The following TMEM65 variants were observed in gnomAD, a reference collection of about 807,000 sequenced individuals.
TMEM65 encodes transmembrane protein 65.
TMEM65 carries 22 observed loss-of-function variants against 25.4 expected under a neutral mutation model. The ratio of observed to expected loss-of-function variants is 0.86; its 90% CI spans 0.62 to 1.23. TMEM65 has a LOEUF of 1.23. Among genes scored for constraint, TMEM65 ranks in the 50% most tolerant of loss-of-function variants. The pLI, the probability that TMEM65 is intolerant of heterozygous loss-of-function variation, is 0.00. For missense variants in TMEM65, 262 were observed against 308.2 expected, an observed-to-expected ratio of 0.85 and a Z score of 1.12; for synonymous variants, 132 against 126.2, an observed-to-expected ratio of 1.05 and a Z score of -0.31.
intron 1 of TMEM65, among the ~76,000 whole-genome samples, chr8:124,354,601 G>A (rs1232303757): frequency 1.3e-5 from 2 of 152,206 alleles, no homozygotes; most frequent in Non-Finnish European, 2.9e-5. Flanking sequence ...TGTTTTCACA[G>A]AAGCAGAGGC....
At chr8:124,319,476 C>T (rs1214101438) in intron 6 of TMEM65, among the ~76,000 whole-genome samples, 1 of 152,132 alleles carries the variant, frequency 6.6e-6, no homozygotes, top group Non-Finnish European at 1.5e-5. Flanking sequence ...ATACCTACAG[C>T]TACTATATAT....
intron 1 of TMEM65, among the ~76,000 whole-genome samples, chr8:124,367,498 G>T (rs903186852): frequency 6.6e-6 from 1 of 151,922 alleles, no homozygotes; most frequent in Admixed American, 6.6e-5. Context: ...TTTAAGAAAA[G>T]AATTTCTATT....
intron 1 of TMEM65, among the ~76,000 whole-genome samples, chr8:124,347,481 C>T (rs570372421): frequency 1.3e-5 from 2 of 152,238 alleles, no homozygotes; most frequent in African/African-American, 4.8e-5. Context: ...ACCTATTGGG[C>T]ACAACGTACA....
intron 3 of TMEM65, among the ~76,000 whole-genome samples, chr8:124,324,484 G>A (rs1009085199): frequency 3.9e-5 from 6 of 152,044 alleles, no homozygotes; most frequent in African/African-American, 1.4e-4. Flanking sequence ...AAGAAATAAA[G>A]AGGAAGAAAA....
At chr8:124,338,218 G>T (rs1814535902) in intron 1 of TMEM65, among the ~76,000 whole-genome samples, 1 of 151,912 alleles carries the variant, frequency 6.6e-6, no homozygotes, top group South Asian at 2.1e-4. Flanking sequence ...TTTTATTTGT[G>T]AAAGTGTATT....
At chr8:124,358,197 G>A (rs1814809666) in intron 1 of TMEM65, among the ~76,000 whole-genome samples, 1 of 152,100 alleles carries the variant, frequency 6.6e-6, no homozygotes, top group Admixed American at 6.5e-5. Flanking sequence ...CTTCGCATCA[G>A]TATATTAATC....
At chr8:124,320,484 A>G (rs550191768) in intron 5 of TMEM65, among the ~76,000 whole-genome samples, 2 of 152,302 alleles carry the variant, frequency 1.3e-5, no homozygotes, top group East Asian at 1.9e-4. Context: ...TGACAGAGCA[A>G]GTATTCTCTA....
intron 2 of TMEM65, among the ~76,000 whole-genome samples, chr8:124,329,745 G>A (rs1313834984): frequency 6.6e-6 from 1 of 151,836 alleles, no homozygotes; most frequent in Admixed American, 6.6e-5. Flanking sequence ...ATAAGACTTG[G>A]TTCCCAGCCC....
chr8:124,318,361 A>ATTTTTTT (rs1563588866), intron 6 of TMEM65, among the ~76,000 whole-genome samples: 1 of 107,454 alleles, frequency 9.3e-6, no homozygotes, highest in African/African-American at 3.7e-5. Flanking sequence ...CTGAATTTGC[A>ATTTTTTT]TGTTTTTGTT....
intron 1 of TMEM65, among the ~76,000 whole-genome samples, chr8:124,368,589 C>T (rs956229231): frequency 9.9e-5 from 15 of 152,148 alleles, no homozygotes; most frequent in African/African-American, 2.9e-4. Flanking sequence ...CTTGCTCTCT[C>T]GCTCTCTCAT....
chr8:124,339,724 G>T (rs755017010), intron 1 of TMEM65, among the ~76,000 whole-genome samples: 2 of 151,912 alleles, frequency 1.3e-5, no homozygotes, highest in Admixed American at 6.6e-5. Flanking sequence ...GATTGGATTG[G>T]ATCCAGTTGG....
chr8:124,371,379 C>T (rs1031024237), intron 1 of TMEM65, among the ~76,000 whole-genome samples: 2 of 152,236 alleles, frequency 1.3e-5, no homozygotes, highest in African/African-American at 2.4e-5. Flanking sequence ...ACCCATACGT[C>T]TTCATTTGAT....
chr8:124,328,121 TA>T (rs1444982056), intron 2 of TMEM65, among the ~76,000 whole-genome samples: 12 of 152,122 alleles, frequency 7.9e-5, no homozygotes, highest in African/African-American at 2.7e-4. Context: ...TGATCTGAGA[TA>T]TTAGAAGTGT....
chr8:124,365,803 G>C (rs971024098), intron 1 of TMEM65, among the ~76,000 whole-genome samples: 4 of 152,168 alleles, frequency 2.6e-5, no homozygotes, highest in African/African-American at 9.7e-5. Context: ...TCTCTAGAAG[G>C]ACAGAGCCTT....
chr8:124,322,956 C>T (rs1814323675), intron 4 of TMEM65, among the ~76,000 whole-genome samples: 1 of 151,788 alleles, frequency 6.6e-6, no homozygotes, highest in African/African-American at 2.4e-5. Context: ...GATTGCACCA[C>T]TGAACTGCAG....
intron 1 of TMEM65, among the ~76,000 whole-genome samples, chr8:124,366,748 C>G: frequency 1.3e-5 from 1 of 79,996 alleles, no homozygotes; most frequent in South Asian, 4.3e-4. Flanking sequence ...ACTTGATTAT[C>G]TGTCTTCTAC....
At chr8:124,316,027 T>G (rs1814233247) in intron 6 of TMEM65, among the ~76,000 whole-genome samples, 1 of 152,184 alleles carries the variant, frequency 6.6e-6, no homozygotes, top group African/African-American at 2.4e-5. Context: ...GTTAAATTCC[T>G]CTTGCAACCA....
At chr8:124,328,679 C>T (rs1309539908) in intron 2 of TMEM65, among the ~76,000 whole-genome samples, 2 of 152,070 alleles carry the variant, frequency 1.3e-5, no homozygotes, top group South Asian at 2.1e-4. Context: ...GTATAGTGAA[C>T]ATCCGTTCAA....
intron 1 of TMEM65, among the ~76,000 whole-genome samples, chr8:124,346,926 T>C (rs1403611305): frequency 1.3e-5 from 2 of 152,190 alleles, no homozygotes; most frequent in African/African-American, 2.4e-5. Flanking sequence ...ATGAGTAAGG[T>C]AAAATTTACA....
Sources: allele counts gnomAD v4.1 joint callset (sites outside exome capture counted in the v4.1 genomes callset), GRCh38; gene constraint gnomAD v4.1.1; transcripts MANE v1.5; gene names NCBI Gene and HGNC (gene_info 2026-07-23, HGNC 2026-07-21).